The following CTSE variants were observed in gnomAD, a reference collection of about 807,000 sequenced individuals.
CTSE encodes the protein erythrocyte membrane aspartic proteinase.
In CTSE, 43 loss-of-function variants were observed where a neutral mutation model predicts 42.8. That is an observed-to-expected ratio of 1.01 (90% confidence interval 0.79 to 1.30). The LOEUF (loss-of-function observed/expected upper bound fraction) is 1.30, where lower values mean the gene tolerates loss of function less well. CTSE is among the 50% of genes most tolerant of loss of function. The pLI, the probability that CTSE is intolerant of heterozygous loss-of-function variation, is 0.00. For synonymous variants in CTSE, 205 were observed against 191.5 expected, an observed-to-expected ratio of 1.07 and a Z score of -0.58; for missense variants, 532 against 493.5, an observed-to-expected ratio of 1.08 and a Z score of -0.74.
At chr1:206,018,850 G>C (rs1558153472) in intron 4 of CTSE, among the ~76,000 whole-genome samples, 1 of 151,720 alleles carries the variant, frequency 6.6e-6, no homozygotes, top group Non-Finnish European at 1.5e-5. Context: ...TTAATTTTCT[G>C]TACTGTGTGA....
chr1:206,015,892 T>A, intron 5 of CTSE, 39 bp downstream of exon 5: 1 of 1,591,656 alleles, frequency 6.3e-7, no homozygotes, highest in Non-Finnish European at 8.6e-7. Context: ...TCCCTGTAGT[T>A]ATAACTGACT....
intron 3 of CTSE, 89 bp downstream of exon 3, chr1:206,022,061 A>G: frequency 1.2e-6 from 1 of 865,998 alleles, no homozygotes; most frequent in Non-Finnish European, 1.8e-6. Context: ...AGTTTCTGGA[A>G]CCTAAGCCCC....
Position 206,019,716 on chromosome 1 carries a change from A to G in CTSE, c.462+1333T>C, listed in dbSNP as rs1207579446. Among the ~76,000 whole-genome samples the G allele has an allele frequency of 3.4e-5, 5 of 147,336 alleles. No homozygotes were observed. In the East Asian group the frequency reaches 7.8e-4, roughly 23 times the overall value. ...GTAATTAGATATATAATATATATGT[A>G]TATGTCATAATATATATAGAATCTT... On this transcript the variant is annotated intron_variant, in intron 4 of 8. Coordinates refer to ENST00000358184, the MANE Select transcript of CTSE (RefSeq NM_001910.4).
At chr1:206,021,497 G>A in intron 3 of CTSE, 1 of 277,878 alleles carries the variant, frequency 3.6e-6, no homozygotes, top group Non-Finnish European at 6.7e-6. Flanking sequence ...GGCTTCAAAA[G>A]AAACTCAGGG....
chr1:206,014,186 AAGG>A, intron 5 of CTSE: 2 of 354,120 alleles, frequency 5.6e-6, no homozygotes, highest in Admixed American at 4.2e-5. Flanking sequence ...ATTCAGAACC[AAGG>A]CCAGGACCAT....
chr1:206,009,803 T>TCGCC lies in CTSE; in HGVS notation c.*379_*380insGGCG. The TCGCC allele has an allele frequency of 3.9e-6, 1 of 258,336 alleles. No individual in the cohort carries two copies. The highest frequency in any genetic ancestry group is 4.7e-5 in the South Asian group (1 of 21,264). 16.0% of individuals were successfully genotyped at this position (258,336 alleles called of 1,614,324 possible). ...GTAGATAAACAGGCCTGGCCGTGTG[T>TCGCC]GGATGGGTTGTCAGGGCTGAGTGGA... On this transcript the variant is annotated 3_prime_UTR_variant, in exon 9 of 9. Coordinates refer to ENST00000358184, the MANE Select transcript of CTSE (RefSeq NM_001910.4).
intron 1 of CTSE, 145 bp from the exon 2 acceptor site, chr1:206,023,202 T>A: frequency 1.2e-6 from 1 of 828,984 alleles, no homozygotes; most frequent in Non-Finnish European, 1.9e-6. Context: ...ACAGGTGGGA[T>A]CAGCGTCCTC....
intron 4 of CTSE, among the ~76,000 whole-genome samples, chr1:206,019,790 T>G (rs1661361284): frequency 6.9e-6 from 1 of 144,832 alleles, no homozygotes. Flanking sequence ...GTTAATCTAT[T>G]ATATAATAGA....
At chr1:206,018,298 T>C (rs772851966) in intron 4 of CTSE, among the ~76,000 whole-genome samples, 1 of 152,074 alleles carries the variant, frequency 6.6e-6, no homozygotes, top group Admixed American at 6.6e-5. Flanking sequence ...TCTTTTTATA[T>C]ACCAAAAGAT....
At chr1:206,018,677 T>C (rs28463784) in intron 4 of CTSE, among the ~76,000 whole-genome samples, 254 of 152,162 alleles carry the variant, frequency 1.7e-3, no homozygotes, top group African/African-American at 5.7e-3. Context: ...TTTCTGAAAA[T>C]TGTAAAATTT....
intron 4 of CTSE, 59 bp from the exon 5 acceptor site, chr1:206,016,189 G>A (rs781944010): frequency 6.6e-6 from 10 of 1,512,026 alleles, no homozygotes; most frequent in Non-Finnish European, 9.2e-6. Context: ...GCTGGCAAAG[G>A]GTTTGACTCC....
chr1:206,022,335 G>A, intron 2 of CTSE, 68 bp from the exon 3 acceptor site: 1 of 1,177,410 alleles, frequency 8.5e-7, no homozygotes, highest in East Asian at 2.4e-5. Context: ...TCACCAGGAA[G>A]CCAGGGGAAA....
At chr1:206,015,817 G>T in intron 5 of CTSE, 114 bp downstream of exon 5, 2 of 837,206 alleles carry the variant, frequency 2.4e-6, no homozygotes, top group Non-Finnish European at 3.8e-6. Flanking sequence ...AGATCACACA[G>T]CTGGTAATGG....
At chr1:206,010,398 A>G (rs1661059194) in intron 8 of CTSE, 51 bp from the exon 9 acceptor site, 1 of 1,526,344 alleles carries the variant, frequency 6.6e-7, no homozygotes. Flanking sequence ...AGAAGGTAGT[A>G]GTACTGCCTG....
In CTSE at chr1:206,021,210, T is replaced by A. The variant is rs74402953; in HGVS notation, c.344-43A>T. On this transcript the variant is annotated intron_variant, in intron 3 of 8. Coordinates refer to ENST00000358184, the MANE Select transcript of CTSE (RefSeq NM_001910.4). ...GCTCTTGCTTATGCCATCGGCTCACTGGCTGCATCCCTGCCCTAATGCCAC... is the reference window on the plus strand; with the variant it reads ...GCTCTTGCTTATGCCATCGGCTCACAGGCTGCATCCCTGCCCTAATGCCAC... The A allele has an allele frequency of 1.0e-3, 1,503 of 1,467,130 alleles. 12 individuals carry two copies. The African/African-American group carries it at 0.018, about 17-fold the overall frequency. 90.9% of individuals were successfully genotyped at this position (1,467,130 alleles called of 1,614,324 possible). A position where few individuals can be genotyped will look rare whatever the true frequency, so the allele number is the denominator to read the frequency against.
At chr1:206,021,797 T>C (rs1661433778) in intron 3 of CTSE, among the ~76,000 whole-genome samples, 2 of 152,116 alleles carry the variant, frequency 1.3e-5, no homozygotes, top group South Asian at 4.2e-4. Flanking sequence ...CCGACTCACC[T>C]CCCTGCTCAG....
intron 5 of CTSE, among the ~76,000 whole-genome samples, chr1:206,014,494 C>A (rs1448701548): frequency 6.6e-6 from 1 of 151,980 alleles, no homozygotes; most frequent in Non-Finnish European, 1.5e-5. Context: ...AAACTGAAAT[C>A]AGGGTGGTAA....
intron 2 of CTSE, 151 bp downstream of exon 2, chr1:206,022,750 G>A: frequency 1.3e-6 from 1 of 742,074 alleles, no homozygotes; most frequent in Non-Finnish European, 2.0e-6. Context: ...AACTCCATGG[G>A]GACCCAGGGA....
At chr1:206,019,587 A>C (rs1240941243) in intron 4 of CTSE, among the ~76,000 whole-genome samples, 1 of 151,802 alleles carries the variant, frequency 6.6e-6, no homozygotes, top group Non-Finnish European at 1.5e-5. Context: ...TCCCCTTTCT[A>C]TGCTAATTTC....
Sources: allele counts gnomAD v4.1 joint callset (sites outside exome capture counted in the v4.1 genomes callset), GRCh38; gene constraint gnomAD v4.1.1; transcripts MANE v1.5; gene names NCBI Gene and HGNC (gene_info 2026-07-23, HGNC 2026-07-21).